DNAI4: variants seen among roughly 807,000 people sequenced by gnomAD.
DNAI4 encodes dynein axonemal intermediate chain 4, also known as WD repeat domain 78.
In DNAI4, 85 loss-of-function variants were observed where a neutral mutation model predicts 105.8. That is an observed-to-expected ratio of 0.80 (90% CI 0.67 to 0.96). DNAI4 has a LOEUF of 0.96. Among genes scored for constraint, DNAI4 ranks in the 40% least tolerant of loss-of-function variants. The probability of loss-of-function intolerance (pLI) is 0.00; values close to 1 mark genes in which losing one functional copy is unlikely to be tolerated. For missense variants in DNAI4, 1,014 were observed against 1,005.6 expected, an observed-to-expected ratio of 1.01 and a Z score of -0.11; for synonymous variants, 352 against 331.5, an observed-to-expected ratio of 1.06 and a Z score of -0.67.
At chr1:66,835,891 C>A in intron 10 of DNAI4, 114 bp from the exon 11 acceptor site, 1 of 837,644 alleles carries the variant, frequency 1.2e-6, no homozygotes, top group East Asian at 2.5e-5. Context: ...AGAGTTAGCC[C>A]ACATTCAGTT....
chr1:66,845,023 G>C (rs1031945198), intron 8 of DNAI4, among the ~76,000 whole-genome samples: 4 of 151,602 alleles, frequency 2.6e-5, no homozygotes, highest in Non-Finnish European at 5.9e-5. Flanking sequence ...GTGAAACCCG[G>C]TCTCTACTAA....
intron 10 of DNAI4, among the ~76,000 whole-genome samples, chr1:66,836,763 C>T (rs1044283244): frequency 1.3e-5 from 2 of 152,170 alleles, no homozygotes; most frequent in Non-Finnish European, 2.9e-5. Flanking sequence ...TTTATTCAAA[C>T]ACTGTTACAG....
At chr1:66,917,236 C>T (rs959252501) in intron 1 of DNAI4, among the ~76,000 whole-genome samples, 4 of 152,284 alleles carry the variant, frequency 2.6e-5, no homozygotes, top group Admixed American at 6.5e-5. Context: ...ACTTAGTGAA[C>T]GTTATCAGTA....
At chr1:66,904,560 A>C (rs1339628959) in intron 2 of DNAI4, among the ~76,000 whole-genome samples, 1 of 152,138 alleles carries the variant, frequency 6.6e-6, no homozygotes, top group Non-Finnish European at 1.5e-5. Context: ...AAGGTTGTTT[A>C]TACATTCTAG....
Position 66,822,457 on chromosome 1 carries a change from A to C in DNAI4, c.2400T>G (p.Phe800Leu). ...CCAGAAGGCAATCTGTTTGTTTGGC[A>C]AAGAGAATGGTTGTGAACTTGATTC... ...NPGIKFTTIL[F>L]AKQTDCLLVG... Residue 800 changes from phenylalanine to leucine, a missense_variant, in exon 16 of 17, where the codon TTT becomes TTG. Physicochemically the swap from Phe to Leu is conservative, Grantham distance 22. Transcript: ENST00000371026. The C allele has an allele frequency of 6.2e-7, 1 of 1,613,402 alleles. No individual in the cohort carries two copies. Among genetic ancestry groups the C allele is most frequent in the African/African-American group, 1.3e-5 (1 of 75,032 alleles).
At chr1:66,847,376 C>G in intron 8 of DNAI4, 108 bp downstream of exon 8, 1 of 1,066,094 alleles carries the variant, frequency 9.4e-7, no homozygotes, top group Non-Finnish European at 1.4e-6. Context: ...TTGCTACAAC[C>G]TTGAACTCCT....
intron 16 of DNAI4, 89 bp from the exon 17 acceptor site, chr1:66,814,269 G>T: frequency 1.0e-6 from 1 of 962,924 alleles, no homozygotes; most frequent in Non-Finnish European, 1.6e-6. Flanking sequence ...AAATTTATAA[G>T]TTAGTGATAC....
chr1:66,876,318 T>C (rs2100686166), intron 4 of DNAI4, among the ~76,000 whole-genome samples: 1 of 152,308 alleles, frequency 6.6e-6, no homozygotes, highest in East Asian at 1.9e-4. Flanking sequence ...ATTTAGGCTC[T>C]TGATTCTCTG....
rs761657027 is a variant in DNAI4 at position 66,924,563 on chromosome 1, G to C, written c.170+99C>G. 3.3e-6 allele frequency: 5 copies of C among 1,536,012 alleles called. No individual in the cohort carries two copies. The South Asian group carries it at 5.7e-5, about 17-fold the overall frequency. On this transcript the variant is annotated intron_variant, in intron 1 of 16. Transcript: ENST00000371026. ...GGTCTACAGACTGAACCCAGTTAGG[G>C]TAGGGCCCCTTTCCAAATCCAGAAA...
intron 1 of DNAI4, among the ~76,000 whole-genome samples, chr1:66,917,689 ATT>A (rs1650169579): frequency 6.6e-6 from 1 of 152,184 alleles, no homozygotes; most frequent in African/African-American, 2.4e-5. Context: ...TTTTGAGCAT[ATT>A]TGTTTTTCAC....
At chr1:66,917,573 T>G (rs1265999525) in intron 1 of DNAI4, among the ~76,000 whole-genome samples, 1 of 152,240 alleles carries the variant, frequency 6.6e-6, no homozygotes, top group Non-Finnish European at 1.5e-5. Flanking sequence ...AGCAATCTTT[T>G]TAACTCTTGC....
chr1:66,894,995 A>G (rs917893569), intron 2 of DNAI4, among the ~76,000 whole-genome samples: 2 of 152,228 alleles, frequency 1.3e-5, no homozygotes, highest in Non-Finnish European at 2.9e-5. Flanking sequence ...ATCAAAATTT[A>G]GGATAATCTT....
chr1:66,866,490 A>G (rs566030991), intron 6 of DNAI4, among the ~76,000 whole-genome samples: 55 of 152,260 alleles, frequency 3.6e-4, no homozygotes, highest in South Asian at 1.0e-3. Flanking sequence ...GTTGCCTTCT[A>G]TGTTTGGTGA....
intron 14 of DNAI4, 69 bp from the exon 15 acceptor site, chr1:66,827,115 ATTAAAAATGCTAAGAT>A: frequency 7.5e-7 from 1 of 1,329,458 alleles, no homozygotes; most frequent in Non-Finnish European, 1.0e-6. Flanking sequence ...TGACCAGCAA[ATTAAAAATGCTAAGAT>A]TTCTAGATTT....
intron 7 of DNAI4, among the ~76,000 whole-genome samples, chr1:66,860,358 A>C (rs1308842393): frequency 6.6e-6 from 1 of 152,064 alleles, no homozygotes; most frequent in African/African-American, 2.4e-5. Context: ...AATATGGACC[A>C]TATTTAACTT....
At chr1:66,831,828 A>G (rs1426876583) in intron 13 of DNAI4, among the ~76,000 whole-genome samples, 1 of 152,188 alleles carries the variant, frequency 6.6e-6, no homozygotes, top group Non-Finnish European at 1.5e-5. Flanking sequence ...AAAGAAGTAA[A>G]ACTGTTTTTA....
At chr1:66,882,509 G>GCT (rs145528588) in intron 4 of DNAI4, among the ~76,000 whole-genome samples, 23,167 of 150,480 alleles carry the variant, frequency 0.15, 2,510 homozygotes, top group African/African-American at 0.32. Flanking sequence ...CTGTGTCTAT[G>GCT]CTCTCTCTCT....
Position 66,833,814 on chromosome 1 carries a change from T to G in DNAI4, c.1892-108A>C, listed in dbSNP as rs958536815. 2.1e-6 allele frequency: 3 copies of G among 1,438,620 alleles called. No individual in the cohort carries two copies. The Admixed American group carries it at 7.3e-5, about 35-fold the overall frequency. 89.1% of individuals were successfully genotyped at this position (1,438,620 alleles called of 1,614,324 possible). ...ATAATAATATTAGTTCTGCCAACTTTTGCATGTAATTAGGCTAAAATTAGC... is the reference window on the plus strand; with the variant it reads ...ATAATAATATTAGTTCTGCCAACTTGTGCATGTAATTAGGCTAAAATTAGC... On this transcript the variant is annotated intron_variant, in intron 12 of 16. Transcript: ENST00000371026.
intron 16 of DNAI4, among the ~76,000 whole-genome samples, chr1:66,816,110 C>T (rs573405872): frequency 6.6e-6 from 1 of 151,990 alleles, no homozygotes; most frequent in African/African-American, 2.4e-5. Context: ...GGGTTTATGA[C>T]CAGCCCGGGC....
Sources: gnomAD v4.1 joint callset for allele counts (sites outside exome capture counted in the v4.1 genomes callset) on GRCh38, gnomAD v4.1.1 for gene constraint, MANE v1.5 for transcripts, NCBI Gene and HGNC (gene_info 2026-07-23, HGNC 2026-07-21) for gene names.